The following PSEN1 variants were observed in gnomAD, a reference collection of about 807,000 sequenced individuals.
The protein encoded by PSEN1 is presenilin 1.
A neutral mutation model predicts 53.5 loss-of-function variants in PSEN1; 15 were observed. The observed-to-expected ratio is 0.28, with a 90% CI of 0.19 to 0.43. The LOEUF is 0.43. Ranked by LOEUF, PSEN1 falls within the 20% of genes least tolerant of loss-of-function variation. The pLI is 1.00. For missense variants in PSEN1, 387 were observed against 571.2 expected (o/e 0.68, Z 3.29); for synonymous variants, 208 against 209.8 (o/e 0.99, Z 0.08).
chr14:73,169,826 A>G (rs1337095346), intron 3 of PSEN1, among the ~76,000 whole-genome samples: 1 of 152,090 alleles, frequency 6.6e-6, no homozygotes, highest in African/African-American at 2.4e-5. Flanking sequence ...TTATATTTTT[A>G]GTAGAGACGG....
intron 6 of PSEN1, among the ~76,000 whole-genome samples, chr14:73,190,534 A>T (rs1440310627): frequency 6.6e-6 from 1 of 152,066 alleles, no homozygotes; most frequent in Non-Finnish European, 1.5e-5. Flanking sequence ...TGTGTCAAGT[A>T]GAAAAGTATA....
chr14:73,179,084 T>C (rs1362450526), intron 5 of PSEN1, among the ~76,000 whole-genome samples: 12 of 152,202 alleles, frequency 7.9e-5, no homozygotes, highest in Admixed American at 4.6e-4. Flanking sequence ...CTCCATGTGG[T>C]TTCTTGGGCT....
chr14:73,184,754 C>A (rs1272785914), intron 5 of PSEN1, among the ~76,000 whole-genome samples: 2 of 151,506 alleles, frequency 1.3e-5, no homozygotes, highest in African/African-American at 2.4e-5. Context: ...TGACCCCCCC[C>A]ACCTCCCTCC....
chr14:73,216,786 G>C (rs1253085062), intron 10 of PSEN1, among the ~76,000 whole-genome samples: 2 of 151,874 alleles, frequency 1.3e-5, no homozygotes, highest in Non-Finnish European at 1.5e-5. Flanking sequence ...TAATTAATAT[G>C]ATAAAATGAT....
chr14:73,198,799 A>G (rs1156393489), intron 8 of PSEN1, among the ~76,000 whole-genome samples: 9 of 152,136 alleles, frequency 5.9e-5, no homozygotes. Flanking sequence ...TTGTTGAGAT[A>G]GGGTCTCACT....
rs56240305 is a variant in PSEN1 at position 73,158,282 on chromosome 14, T to TTCTATCTATCTATCTA, written c.87+10214_87+10229dup. 1.6e-3 allele frequency among the ~76,000 whole-genome samples: 220 copies of TTCTATCTATCTATCTA among 141,574 alleles called. 1 individual carries two copies. The highest frequency in any genetic ancestry group is 3.5e-3 in the Middle Eastern group (1 of 284). 92.9% of individuals were successfully genotyped at this position (141,574 alleles called of 152,430 possible). A position where few individuals can be genotyped will look rare whatever the true frequency, so the allele number is the denominator to read the frequency against. On this transcript the variant is annotated intron_variant, in intron 3 of 11. Coordinates refer to ENST00000324501, the MANE Select transcript of PSEN1 (RefSeq NM_000021.4). ...TGGTAGGTGTATATTTAACTTTTTT[T>TTCTATCTATCTATCTA]TCTATCTATCTATCTATCTATCTAT... is the stretch of plus-strand genomic sequence containing the variant.
chr14:73,201,962 G>A (rs539810377), intron 8 of PSEN1, among the ~76,000 whole-genome samples: 5 of 152,044 alleles, frequency 3.3e-5, no homozygotes, highest in African/African-American at 1.2e-4. Context: ...GGCCAGGCTG[G>A]CCTTGAACTC....
At chr14:73,202,436 A>T (rs1224795486) in intron 8 of PSEN1, among the ~76,000 whole-genome samples, 303 of 13,016 alleles carry the variant, frequency 0.023, 9 homozygotes, top group African/African-American at 0.1. Context: ...ATATATATAT[A>T]TATATATATA....
In PSEN1 at chr14:73,222,228, G is replaced by A. The variant is rs1024312138; in HGVS notation, c.*2939G>A. 6.6e-6 allele frequency: 1 copy of A among 152,132 alleles called. No homozygotes were observed. Among genetic ancestry groups the A allele is most frequent in the African/African-American group, 2.4e-5 (1 of 41,424 alleles). 9.4% of individuals were successfully genotyped at this position (152,132 alleles called of 1,614,324 possible). Reference sequence around the variant, plus strand: ...TTTCTAAGCAACTTGGAAGAAAACAGTCATAAGTAAGCAATTTGTTGATTT... The same window carrying A: ...TTTCTAAGCAACTTGGAAGAAAACAATCATAAGTAAGCAATTTGTTGATTT... On this transcript the variant is annotated 3_prime_UTR_variant, in exon 12 of 12. Transcript: ENST00000324501.
chr14:73,150,384 A>G (rs533272380), intron 3 of PSEN1, among the ~76,000 whole-genome samples: 1 of 152,276 alleles, frequency 6.6e-6, no homozygotes, highest in African/African-American at 2.4e-5. Context: ...TTGGGTATTT[A>G]CCATGTTTAA....
At chr14:73,139,808 A>G (rs1896866932) in intron 1 of PSEN1, among the ~76,000 whole-genome samples, 1 of 152,202 alleles carries the variant, frequency 6.6e-6, no homozygotes, top group Non-Finnish European at 1.5e-5. Flanking sequence ...GAAACCCAGT[A>G]AATGTTTGTT....
At chr14:73,216,111 T>C (rs1899902244) in intron 10 of PSEN1, among the ~76,000 whole-genome samples, 1 of 152,168 alleles carries the variant, frequency 6.6e-6, no homozygotes, top group African/African-American at 2.4e-5. Context: ...CAGCTTCCAA[T>C]AACTTCCAAG....
intron 5 of PSEN1, among the ~76,000 whole-genome samples, chr14:73,183,134 T>C (rs1378014771): frequency 1.3e-5 from 2 of 152,140 alleles, no homozygotes; most frequent in Non-Finnish European, 2.9e-5. Context: ...TTTTGTTTTT[T>C]TGAGATGGAG....
At chr14:73,185,159 T>C (rs1313798786) in intron 5 of PSEN1, among the ~76,000 whole-genome samples, 2 of 131,568 alleles carry the variant, frequency 1.5e-5, no homozygotes, top group South Asian at 2.5e-4. Context: ...ACATCCCAGA[T>C]GATGGGCGGC....
At chr14:73,180,023 C>T (rs1294481417) in intron 5 of PSEN1, among the ~76,000 whole-genome samples, 3 of 151,760 alleles carry the variant, frequency 2.0e-5, no homozygotes, top group Non-Finnish European at 2.9e-5. Context: ...CTCAGTCTCT[C>T]GCCCAGGCTG....
intron 10 of PSEN1, among the ~76,000 whole-genome samples, chr14:73,215,620 A>G (rs986458900): frequency 1.1e-4 from 16 of 152,194 alleles, no homozygotes; most frequent in African/African-American, 3.9e-4. Context: ...AAGGACTTGT[A>G]TTTAGGATAT....
At position 73,217,300 on chromosome 14, in the gene PSEN1, C is replaced by T. The variant is rs570404012; in HGVS notation, c.1248+56C>T. ...GCTCTTAATGTCAAAACTTTGATTA[C>T]ACAGTCCCTTTAAGGCAGTTCTGTT... On this transcript the variant is annotated intron_variant, in intron 11 of 11. Coordinates refer to ENST00000324501, the MANE Select transcript of PSEN1 (RefSeq NM_000021.4). 57 of 1,599,194 alleles carry T rather than the reference C, an allele frequency of 3.6e-5. No individual in the cohort carries two copies. In the African/African-American group the frequency reaches 6.3e-4, roughly 18 times the overall value.
At chr14:73,183,091 G>C (rs1160979099) in intron 5 of PSEN1, among the ~76,000 whole-genome samples, 1 of 152,022 alleles carries the variant, frequency 6.6e-6, no homozygotes, top group African/African-American at 2.4e-5. Flanking sequence ...GAAGTATTTG[G>C]AGGGAAATGT....
At chr14:73,176,569 T>G (rs2140050600) in intron 5 of PSEN1, among the ~76,000 whole-genome samples, 1 of 152,362 alleles carries the variant, frequency 6.6e-6, no homozygotes, top group African/African-American at 2.4e-5. Flanking sequence ...ATTATTTAAT[T>G]TTTCTGTGTT....
Sources: allele counts gnomAD v4.1 joint callset (sites outside exome capture counted in the v4.1 genomes callset), GRCh38; gene constraint gnomAD v4.1.1; transcripts MANE v1.5; gene names NCBI Gene and HGNC (gene_info 2026-07-23, HGNC 2026-07-21).